Variants in WDR27 observed in about 807,000 individuals in gnomAD.
The protein encoded by WDR27 is WD repeat domain 27.
In WDR27, 100 loss-of-function variants were observed where a neutral mutation model predicts 114.4. The ratio of observed to expected loss-of-function variants is 0.87; its 90% CI spans 0.74 to 1.03. The LOEUF (loss-of-function observed/expected upper bound fraction) is 1.03. WDR27 is among the 50% of genes least tolerant of loss of function. WDR27 has a pLI of 0.00. For missense variants in WDR27, 1,129 were observed against 1,092.9 expected, an observed-to-expected ratio of 1.03 and a Z score of -0.47; for synonymous variants, 449 against 423.1, an observed-to-expected ratio of 1.06 and a Z score of -0.75.
intron 6 of WDR27, 113 bp downstream of exon 6, chr6:169,667,023 C>G (rs1828014776): frequency 7.6e-7 from 1 of 1,310,948 alleles, no homozygotes; most frequent in Non-Finnish European, 9.7e-7. Flanking sequence ...CTGAGATTGC[C>G]TCATTCAGAT....
the WDR27 span, among the ~76,000 whole-genome samples, chr6:169,439,705 C>G: frequency 6.6e-6 from 1 of 152,040 alleles, no homozygotes; most frequent in East Asian, 1.9e-4. Context: ...CTGCCTATAG[C>G]TTACAGCAAT....
Position 169,602,205 on chromosome 6 carries a change from C to A in WDR27, c.2424+14G>T. 6.6e-7 allele frequency: 1 copy of A among 1,522,272 alleles called. No homozygotes were observed. The allele number at this position is 1,522,272 out of a possible 1,614,324, so 94.3% of individuals were successfully genotyped here. A position where few individuals can be genotyped will look rare whatever the true frequency, so the allele number is the denominator to read the frequency against. ...TAGACTCTCTACATTTATAGACAGT[C>A]AAACAGTACATACGTGTCTGTCCTC... On this transcript the variant is annotated intron_variant, in intron 23 of 25. Transcript: ENST00000448612.
intron 23 of WDR27, among the ~76,000 whole-genome samples, chr6:169,585,365 G>C (rs1330697376): frequency 6.6e-6 from 1 of 152,186 alleles, no homozygotes; most frequent in Non-Finnish European, 1.5e-5. Flanking sequence ...ATGTAAGAAT[G>C]AGTCCTTCAG....
intron 22 of WDR27, among the ~76,000 whole-genome samples, chr6:169,612,306 C>T (rs1810734122): frequency 6.6e-6 from 1 of 151,794 alleles, no homozygotes; most frequent in South Asian, 2.1e-4. Context: ...GTAATCCCAG[C>T]TACTCGGAGA....
intron 25 of WDR27, among the ~76,000 whole-genome samples, chr6:169,553,051 GGAGGGCC>G (rs1365040527): frequency 2.4e-4 from 17 of 71,352 alleles, no homozygotes; most frequent in Non-Finnish European, 4.4e-4. Flanking sequence ...GGGAGGGCCT[GGAGGGCC>G]TGTGTGTGTG....
the WDR27 span, among the ~76,000 whole-genome samples, chr6:169,428,434 A>G: frequency 6.6e-6 from 1 of 152,248 alleles, no homozygotes; most frequent in Non-Finnish European, 1.5e-5. Context: ...TGTATTCATT[A>G]TCTGTTCTTA....
intron 25 of WDR27, among the ~76,000 whole-genome samples, chr6:169,538,704 A>ACACACACG: frequency 1.7e-5 from 1 of 58,198 alleles, no homozygotes; most frequent in Admixed American, 2.9e-4. Flanking sequence ...ATACTGGAAT[A>ACACACACG]CACACACACA....
intron 21 of WDR27, among the ~76,000 whole-genome samples, chr6:169,626,853 C>T (rs1266197115): frequency 1.3e-5 from 2 of 152,206 alleles, no homozygotes; most frequent in Non-Finnish European, 2.9e-5. Context: ...AGTCTCCCGG[C>T]GGACTGGGCA....
the WDR27 span, among the ~76,000 whole-genome samples, chr6:169,428,606 GGA>G: frequency 4.8e-4 from 71 of 147,886 alleles, no homozygotes; most frequent in African/African-American, 1.7e-3. Flanking sequence ...GTGGCGGGGG[GGA>G]GGGGGGGGTT....
intron 25 of WDR27, among the ~76,000 whole-genome samples, chr6:169,512,347 C>CT (rs1793009542): frequency 6.6e-6 from 1 of 152,050 alleles, no homozygotes; most frequent in African/African-American, 2.4e-5. Flanking sequence ...AACTTTATGT[C>CT]TAAGTGTAAT....
intron 21 of WDR27, among the ~76,000 whole-genome samples, chr6:169,620,800 G>C (rs868601400): frequency 6.6e-6 from 1 of 152,052 alleles, no homozygotes; most frequent in Non-Finnish European, 1.5e-5. Flanking sequence ...CAAGGGGCTC[G>C]AGGTCCACCC....
intron 19 of WDR27, among the ~76,000 whole-genome samples, chr6:169,635,465 T>C (rs914566807): frequency 7.2e-5 from 11 of 152,146 alleles, no homozygotes; most frequent in Non-Finnish European, 1.5e-4. Context: ...GGCCGCTGGG[T>C]CCTGGAGCCC....
the WDR27 span, among the ~76,000 whole-genome samples, chr6:169,438,843 A>C: frequency 2.6e-5 from 4 of 152,272 alleles, no homozygotes; most frequent in Admixed American, 2.0e-4. Context: ...TTAGTTTTTT[A>C]CTACTTAGAA....
chr6:169,428,714 G>A, the WDR27 span, among the ~76,000 whole-genome samples: 3 of 152,166 alleles, frequency 2.0e-5, no homozygotes, highest in Non-Finnish European at 4.4e-5. Flanking sequence ...CCTGCTGTGC[G>A]GGGAGGGCCC....
chr6:169,650,670 C>T (rs1273791003), intron 14 of WDR27, among the ~76,000 whole-genome samples: 1 of 150,018 alleles, frequency 6.7e-6, no homozygotes, highest in African/African-American at 2.5e-5. Context: ...TCCACCAACT[C>T]ATCCATCTCT....
At chr6:169,646,687 G>A (rs913254105) in intron 16 of WDR27, among the ~76,000 whole-genome samples, 2 of 151,288 alleles carry the variant, frequency 1.3e-5, no homozygotes, top group African/African-American at 4.9e-5. Flanking sequence ...GGCGGAGATT[G>A]CAGTGAGCCG....
At chr6:169,436,433 T>C in the WDR27 span, among the ~76,000 whole-genome samples, 1 of 152,092 alleles carries the variant, frequency 6.6e-6, no homozygotes, top group Non-Finnish European at 1.5e-5. Flanking sequence ...TATTATTGGT[T>C]TAATGAAAAC....
At chr6:169,636,317 A>AT in intron 19 of WDR27, 54 bp downstream of exon 19, 3 of 1,590,806 alleles carry the variant, frequency 1.9e-6, no homozygotes, top group Non-Finnish European at 2.6e-6. Flanking sequence ...ACATCACATT[A>AT]TTGAAACAGC....
intron 21 of WDR27, among the ~76,000 whole-genome samples, chr6:169,629,927 C>CAAAAAAAAA (rs747455041): frequency 1.9e-5 from 1 of 52,422 alleles, no homozygotes; most frequent in Non-Finnish European, 4.1e-5. Flanking sequence ...AACTTCATCT[C>CAAAAAAAAA]AAAAAAAAAA....
Sources: gnomAD v4.1 joint callset for allele counts (sites outside exome capture counted in the v4.1 genomes callset) on GRCh38, gnomAD v4.1.1 for gene constraint, MANE v1.5 for transcripts, NCBI Gene and HGNC (gene_info 2026-07-23, HGNC 2026-07-21) for gene names.